The following LAMA2 variants were observed in gnomAD, a reference collection of about 807,000 sequenced individuals.
LAMA2 encodes the protein laminin subunit alpha-2.
In LAMA2, 269 loss-of-function variants were observed where a neutral mutation model predicts 364.8. The ratio of observed to expected loss-of-function variants is 0.74; its 90% CI spans 0.67 to 0.82. LAMA2 has a LOEUF of 0.82. Among genes scored for constraint, LAMA2 ranks in the 40% least tolerant of loss-of-function variants. The pLI is 0.00. For synonymous variants in LAMA2, 1,379 were observed against 1,370.6 expected, an observed-to-expected ratio of 1.01 and a Z score of -0.14; for missense variants, 3,807 against 3,873.2, an observed-to-expected ratio of 0.98 and a Z score of 0.45.
intron 29 of LAMA2, among the ~76,000 whole-genome samples, 183 bp downstream of exon 29, chr6:129,328,595 G>T (rs1342459830): frequency 1.3e-5 from 2 of 152,262 alleles, no homozygotes; most frequent in Non-Finnish European, 2.9e-5. Flanking sequence ...AAAAATAACT[G>T]GGAGAACCAC....
At chr6:129,443,371 C>T (rs538265153) in intron 44 of LAMA2, among the ~76,000 whole-genome samples, 2 of 152,078 alleles carry the variant, frequency 1.3e-5, no homozygotes, top group South Asian at 4.2e-4. Flanking sequence ...TCACTTGAGG[C>T]CAGAAGTTTG....
chr6:129,329,714 G>A (rs908031914), intron 29 of LAMA2, among the ~76,000 whole-genome samples: 5 of 152,076 alleles, frequency 3.3e-5, no homozygotes, highest in African/African-American at 1.2e-4. Context: ...TCTGAAGGTG[G>A]GGGCAGGTTT....
intron 7 of LAMA2, among the ~76,000 whole-genome samples, chr6:129,149,602 T>A (rs1239643933): frequency 6.6e-6 from 1 of 152,136 alleles, no homozygotes; most frequent in African/African-American, 2.4e-5. Context: ...TCATGTACAA[T>A]GTGTCAGACA....
chr6:129,323,135 C>A (rs1027786266), intron 28 of LAMA2, among the ~76,000 whole-genome samples: 6 of 152,108 alleles, frequency 3.9e-5, no homozygotes, highest in East Asian at 1.9e-4. Flanking sequence ...ATCCATTATA[C>A]CTCTTATTTA....
rs200455884 is a variant in LAMA2, at chr6:129,194,181, C to CA, written c.1782+1335dup. On this transcript the variant is annotated intron_variant, in intron 12 of 64. Transcript: ENST00000421865. ...TTGAATTTCTACTGCTTAAAATTGC[C>CA]AAAAAAATATAAAAATATACTGTCA... Among the ~76,000 whole-genome samples the CA allele has an allele frequency of 9.6e-3, 1,435 of 150,146 alleles. 30 individuals carry two copies. The highest frequency in any genetic ancestry group is 0.034 in the African/African-American group (1,386 of 40,866).
At chr6:128,893,682 T>C (rs1776599139) in intron 1 of LAMA2, among the ~76,000 whole-genome samples, 1 of 151,960 alleles carries the variant, frequency 6.6e-6, no homozygotes, top group South Asian at 2.1e-4. Context: ...TATGTCAAGA[T>C]TCCTTTTTAT....
chr6:128,901,143 C>G (rs1195100750), intron 1 of LAMA2, among the ~76,000 whole-genome samples: 1 of 152,150 alleles, frequency 6.6e-6, no homozygotes, highest in Non-Finnish European at 1.5e-5. Flanking sequence ...GGCAACAGAG[C>G]AAGACCTTAT....
At chr6:129,135,544 G>A (rs1370365800) in intron 4 of LAMA2, among the ~76,000 whole-genome samples, 1 of 152,182 alleles carries the variant, frequency 6.6e-6, no homozygotes. Context: ...TTGTTTTTGT[G>A]TACAAGATCT....
At chr6:129,471,442 C>T (rs1227479527) in intron 51 of LAMA2, among the ~76,000 whole-genome samples, 2 of 151,842 alleles carry the variant, frequency 1.3e-5, no homozygotes, top group Non-Finnish European at 2.9e-5. Flanking sequence ...TATATTCATT[C>T]ATGGATAAGG....
chr6:129,296,573 T>C (rs1398189949), intron 20 of LAMA2, among the ~76,000 whole-genome samples: 1 of 152,060 alleles, frequency 6.6e-6, no homozygotes, highest in Admixed American at 6.6e-5. Context: ...TTCACTTTTA[T>C]AACTTATTTT....
At chr6:129,285,076 A>T (rs1583414274) in intron 18 of LAMA2, among the ~76,000 whole-genome samples, 1 of 152,308 alleles carries the variant, frequency 6.6e-6, no homozygotes, top group East Asian at 1.9e-4. Flanking sequence ...AAACCAAAGG[A>T]CTGTGATTTA....
intron 28 of LAMA2, among the ~76,000 whole-genome samples, chr6:129,322,009 T>G (rs1478815413): frequency 1.3e-5 from 2 of 152,216 alleles, no homozygotes; most frequent in African/African-American, 4.8e-5. Flanking sequence ...AATGGAAACG[T>G]ATGTGTGAAA....
At chr6:129,373,049 T>A (rs916920336) in intron 34 of LAMA2, among the ~76,000 whole-genome samples, 9 of 152,340 alleles carry the variant, frequency 5.9e-5, no homozygotes, top group East Asian at 3.9e-4. Context: ...CTTTATCAGA[T>A]ATGTCTTTTG....
At chr6:129,238,013 A>AT (rs1306157405) in intron 12 of LAMA2, among the ~76,000 whole-genome samples, 5 of 150,840 alleles carry the variant, frequency 3.3e-5, no homozygotes, top group Admixed American at 1.3e-4. Flanking sequence ...CAAAAAAAAA[A>AT]AAAAAGCCAG....
intron 63 of LAMA2, among the ~76,000 whole-genome samples, chr6:129,512,710 C>T (rs1786698208): frequency 6.6e-6 from 1 of 152,140 alleles, no homozygotes; most frequent in Non-Finnish European, 1.5e-5. Flanking sequence ...ATTAATTGTA[C>T]AGCAAGCCAA....
chr6:129,012,392 C>T (rs574551172), intron 1 of LAMA2, among the ~76,000 whole-genome samples: 1 of 152,242 alleles, frequency 6.6e-6, no homozygotes, highest in Non-Finnish European at 1.5e-5. Flanking sequence ...ATACTGTCAT[C>T]ACCTTTGTTT....
intron 10 of LAMA2, among the ~76,000 whole-genome samples, chr6:129,189,371 A>G (rs1433833884): frequency 6.6e-6 from 1 of 152,088 alleles, no homozygotes; most frequent in Non-Finnish European, 1.5e-5. Context: ...ATTATTAGTT[A>G]AGATTAACCA....
intron 1 of LAMA2, among the ~76,000 whole-genome samples, chr6:128,933,869 A>G (rs1227112506): frequency 1.3e-5 from 2 of 152,194 alleles, no homozygotes; most frequent in Non-Finnish European, 2.9e-5. Context: ...GTTTGCCAAT[A>G]TATTATCCCA....
At chr6:129,305,003 A>G (rs936707382) in intron 22 of LAMA2, among the ~76,000 whole-genome samples, 1 of 152,160 alleles carries the variant, frequency 6.6e-6, no homozygotes. Flanking sequence ...TTAGATCTAC[A>G]TGTTCTCTCA....
Sources: allele counts gnomAD v4.1 joint callset (sites outside exome capture counted in the v4.1 genomes callset), GRCh38; gene constraint gnomAD v4.1.1; transcripts MANE v1.5; gene names NCBI Gene and HGNC (gene_info 2026-07-23, HGNC 2026-07-21).